ABCA12: variants seen among roughly 807,000 people sequenced by gnomAD.
ABCA12 encodes the protein glucosylceramide transporter ABCA12.
ABCA12 carries 156 observed loss-of-function variants against 293.5 expected under a neutral mutation model. The observed-to-expected ratio is 0.53, with a 90% CI of 0.47 to 0.61. The LOEUF is 0.61. Among genes scored for constraint, ABCA12 ranks in the 20% least tolerant of loss-of-function variants. ABCA12 has a pLI of 0.00. For synonymous variants in ABCA12, 1,063 were observed against 1,108.0 expected (o/e 0.96, Z 0.81); for missense variants, 2,797 against 3,090.2 (o/e 0.91, Z 2.25).
chr2:215,129,773 C>T (rs1703012786), intron 1 of ABCA12, among the ~76,000 whole-genome samples: 1 of 152,032 alleles, frequency 6.6e-6, no homozygotes, highest in Non-Finnish European at 1.5e-5. Context: ...GTTGCATTTG[C>T]TTTTGGGGTC....
In ABCA12 at chr2:214,975,717, A is replaced by T. The variant is rs2105958180; in HGVS notation, c.5381+68T>A. ...TTATTCTCCAGATCTCATGGCCTTCATTCAGGTACAACCACACTCCTGGAA... is the reference window on the plus strand; with the variant it reads ...TTATTCTCCAGATCTCATGGCCTTCTTTCAGGTACAACCACACTCCTGGAA... On this transcript the variant is annotated intron_variant, in intron 34 of 52. Transcript: ENST00000272895. The T allele has an allele frequency of 4.4e-6, 7 of 1,596,614 alleles. No individual in the cohort carries two copies. In the South Asian group the frequency reaches 4.4e-5, roughly 10 times the overall value.
chr2:215,056,932 C>G (rs948001843), intron 3 of ABCA12, among the ~76,000 whole-genome samples: 1 of 152,052 alleles, frequency 6.6e-6, no homozygotes, highest in African/African-American at 2.4e-5. Flanking sequence ...AGAAATAGCA[C>G]CTTCCTGTTA....
At chr2:215,120,243 T>A (rs1702777821) in intron 1 of ABCA12, among the ~76,000 whole-genome samples, 1 of 151,918 alleles carries the variant, frequency 6.6e-6, no homozygotes, top group South Asian at 2.1e-4. Flanking sequence ...GACACACACA[T>A]GGGAACAACA....
At chr2:215,069,514 T>C (rs1375792298) in intron 2 of ABCA12, among the ~76,000 whole-genome samples, 1 of 152,222 alleles carries the variant, frequency 6.6e-6, no homozygotes, top group African/African-American at 2.4e-5. Context: ...GCACATTTTG[T>C]TCTCGGTTAC....
chr2:215,064,962 A>T (rs77733096), intron 2 of ABCA12, among the ~76,000 whole-genome samples: 1,608 of 152,096 alleles, frequency 0.011, 21 homozygotes, highest in African/African-American at 0.037. Context: ...TAATTATCCT[A>T]TATACACAAC....
In ABCA12 at chr2:214,971,756, T is replaced by G. The variant is rs148924576; in HGVS notation, c.5563-1356A>C. Among the ~76,000 whole-genome samples the G allele has an allele frequency of 3.6e-3, 548 of 152,314 alleles. 5 individuals are homozygous for G. Among genetic ancestry groups the G allele is most frequent in the Non-Finnish European group, 2.9e-3 (198 of 68,030 alleles). Reference sequence around the variant, plus strand: ...TCTGTTAGTGAGCATTATTCACATTTCTGATGGGTATATAGTAAGAGTGGA... The same window carrying G: ...TCTGTTAGTGAGCATTATTCACATTGCTGATGGGTATATAGTAAGAGTGGA... On this transcript the variant is annotated intron_variant, in intron 36 of 52. Transcript: ENST00000272895.
Position 215,019,608 on chromosome 2 carries a change from A to G in ABCA12, c.1476T>C (p.Asn492=), listed in dbSNP as rs1191238234. ...AATCTCTCACTTTTTTAGATATGAC[A>G]TTGTCATGGTACAGTAAGCTGGCTG... ...EIAASLLYHD[N]VISKKVRDLL... is the part of the protein sequence containing the mutation. The change falls in exon 12 of 53, where the codon AAT becomes AAC. Residue 492 remains asparagine, a synonymous_variant. Coordinates refer to ENST00000272895, the MANE Select transcript of ABCA12 (RefSeq NM_173076.3). 2.5e-6 allele frequency: 4 copies of G among 1,614,166 alleles called. No individual in the cohort carries two copies.
intron 21 of ABCA12, 81 bp from the exon 22 acceptor site, chr2:215,001,101 A>G: frequency 7.5e-7 from 1 of 1,332,588 alleles, no homozygotes. Flanking sequence ...CACAGAGGGG[A>G]CAGCCAAACA....
intron 2 of ABCA12, among the ~76,000 whole-genome samples, chr2:215,093,679 T>C (rs1190810709): frequency 6.6e-6 from 1 of 152,222 alleles, no homozygotes; most frequent in African/African-American, 2.4e-5. Flanking sequence ...TCACTTTCTA[T>C]AGTTCTCATA....
chr2:214,942,956 A>T lies in ABCA12; in HGVS notation c.7405T>A (p.Cys2469Ser). ...TTTATGTGCTGCAAAGATCCAATAC[A>T]TTGAAACTTTCCATTCACCATAATG... is the stretch of plus-strand genomic sequence containing the variant. ...LAIMVNGKFQ[C>S]IGSLQHIKSR... The change falls in exon 50 of 53, where the codon TGT becomes AGT. Residue 2469 changes from cysteine to serine, a missense_variant. Physicochemically the swap from Cys to Ser is moderately radical, Grantham distance 112. This residue lies in a region of ABCA12 where 2,130 missense variants were observed against 2,427.0 expected (regional missense o/e 0.88). Coordinates refer to ENST00000272895, the MANE Select transcript of ABCA12 (RefSeq NM_173076.3). The T allele has an allele frequency of 6.2e-7, 1 of 1,613,570 alleles. No homozygotes were observed. Among genetic ancestry groups the T allele is most frequent in the African/African-American group, 1.3e-5 (1 of 75,034 alleles).
chr2:215,004,334 A>G, intron 19 of ABCA12, 35 bp from the exon 20 acceptor site: 1 of 1,505,196 alleles, frequency 6.6e-7, no homozygotes, highest in Admixed American at 1.7e-5. Flanking sequence ...GTTTCAATAC[A>G]AGAAAAATCA....
intron 2 of ABCA12, among the ~76,000 whole-genome samples, chr2:215,066,910 C>T (rs1372709566): frequency 2.0e-5 from 3 of 152,100 alleles, no homozygotes. Flanking sequence ...TACTGTATCC[C>T]ATGTACTGTG....
intron 2 of ABCA12, chr2:215,080,799 C>T (rs916063639): frequency 6.5e-6 from 1 of 153,014 alleles, no homozygotes; most frequent in African/African-American, 2.4e-5. Flanking sequence ...AAGACGGTAT[C>T]TTAAGTGCTG....
intron 33 of ABCA12, among the ~76,000 whole-genome samples, chr2:214,978,108 A>G (rs10198634): frequency 0.061 from 9,337 of 152,198 alleles, 603 homozygotes; most frequent in African/African-American, 0.16. Flanking sequence ...GTTCTTTCAC[A>G]TTCTTCAAAG....
chr2:215,093,347 A>T (rs939874868), intron 2 of ABCA12, among the ~76,000 whole-genome samples: 1 of 152,150 alleles, frequency 6.6e-6, no homozygotes, highest in Non-Finnish European at 1.5e-5. Context: ...AAACCATTAC[A>T]TAAACTCACA....
At chr2:215,063,535 A>G (rs1701577130) in intron 3 of ABCA12, among the ~76,000 whole-genome samples, 2 of 152,016 alleles carry the variant, frequency 1.3e-5, no homozygotes, top group Non-Finnish European at 2.9e-5. Flanking sequence ...CTTACACCAT[A>G]AAGTAGAACA....
intron 41 of ABCA12, among the ~76,000 whole-genome samples, 172 bp downstream of exon 41, chr2:214,958,105 T>C (rs1158945254): frequency 6.6e-6 from 1 of 152,180 alleles, no homozygotes; most frequent in Non-Finnish European, 1.5e-5. Flanking sequence ...GTAGGTTATG[T>C]TTCCTCCAAC....
At chr2:215,050,978 C>T (rs1294649856) in intron 5 of ABCA12, among the ~76,000 whole-genome samples, 2 of 152,098 alleles carry the variant, frequency 1.3e-5, no homozygotes, top group East Asian at 1.9e-4. Flanking sequence ...TGGCTTATCT[C>T]CCCTGGATAT....
intron 7 of ABCA12, chr2:215,038,842 TTATC>T (rs1393684921): frequency 6.6e-6 from 1 of 152,232 alleles, no homozygotes; most frequent in East Asian, 1.9e-4. Context: ...TCATTCATCT[TTATC>T]TAACAAAATG....
Sources: allele counts gnomAD v4.1 joint callset (sites outside exome capture counted in the v4.1 genomes callset), GRCh38; gene constraint gnomAD v4.1.1; regional missense constraint gnomAD v4.1.1; transcripts MANE v1.5; gene names NCBI Gene and HGNC (gene_info 2026-07-23, HGNC 2026-07-21).